PRR16: variants seen among roughly 807,000 people sequenced by gnomAD.
PRR16 encodes the protein proline rich 16.
A neutral mutation model predicts 18.2 loss-of-function variants in PRR16; 6 were observed. The ratio of observed to expected loss-of-function variants is 0.33; its 90% confidence interval spans 0.18 to 0.65. The LOEUF (loss-of-function observed/expected upper bound fraction) is 0.65, where lower values mean the gene tolerates loss of function less well. Ranked by LOEUF, PRR16 falls within the 30% of genes least tolerant of loss-of-function variation. PRR16 has a pLI of 0.74. For missense variants in PRR16, 412 were observed against 376.6 expected (o/e 1.09, Z -0.78); for synonymous variants, 151 against 147.8 (o/e 1.02, Z -0.16).
At chr5:120,620,403 G>C (rs1002492081) in intron 1 of PRR16, among the ~76,000 whole-genome samples, 9 of 152,042 alleles carry the variant, frequency 5.9e-5, no homozygotes, top group African/African-American at 1.9e-4. Flanking sequence ...GTGCTTATGA[G>C]GTGAGGTTGC....
chr5:120,504,570 C>G (rs560324393), intron 1 of PRR16, among the ~76,000 whole-genome samples: 1 of 152,058 alleles, frequency 6.6e-6, no homozygotes, highest in Admixed American at 6.6e-5. Flanking sequence ...AGCAGTGAGT[C>G]GCCCTTCACG....
At chr5:120,466,200 A>G (rs1395161603) in intron 1 of PRR16, among the ~76,000 whole-genome samples, 1 of 152,158 alleles carries the variant, frequency 6.6e-6, no homozygotes, top group Non-Finnish European at 1.5e-5. Flanking sequence ...TGGTGGGGTT[A>G]TGCATTGAAA....
At chr5:120,770,253 A>G in the PRR16 span, among the ~76,000 whole-genome samples, 1 of 151,548 alleles carries the variant, frequency 6.6e-6, no homozygotes, top group African/African-American at 2.4e-5. Context: ...CAAACACATA[A>G]GCCAGTAGAA....
chr5:120,729,115 G>T, the PRR16 span, among the ~76,000 whole-genome samples: 1 of 152,058 alleles, frequency 6.6e-6, no homozygotes, highest in Non-Finnish European at 1.5e-5. Flanking sequence ...GTGTTACATT[G>T]TAAAACTTCC....
At chr5:120,775,373 ACCT>A in the PRR16 span, among the ~76,000 whole-genome samples, 6,178 of 152,070 alleles carry the variant, frequency 0.041, 194 homozygotes, top group African/African-American at 0.078. Flanking sequence ...AATCTTCCTC[ACCT>A]CCTCATTTTC....
the PRR16 span, among the ~76,000 whole-genome samples, chr5:120,700,798 G>A: frequency 2.9e-4 from 44 of 152,172 alleles, no homozygotes; most frequent in Non-Finnish European, 5.3e-4. Context: ...GTTACCCAAA[G>A]CTCGGCGTCG....
chr5:120,605,014 G>A (rs188590991), intron 1 of PRR16, among the ~76,000 whole-genome samples: 2 of 152,096 alleles, frequency 1.3e-5, no homozygotes, highest in African/African-American at 4.8e-5. Context: ...ATGACTATAT[G>A]CATTGGAATG....
At chr5:120,576,120 T>G (rs553614302) in intron 1 of PRR16, among the ~76,000 whole-genome samples, 2 of 152,178 alleles carry the variant, frequency 1.3e-5, no homozygotes, top group Non-Finnish European at 2.9e-5. Flanking sequence ...AGGCAAAGAT[T>G]TTTTTCGATA....
the PRR16 span, among the ~76,000 whole-genome samples, chr5:120,782,478 G>A: frequency 5.9e-5 from 9 of 152,080 alleles, no homozygotes; most frequent in South Asian, 2.1e-4. Context: ...GGATCTCAGC[G>A]CTTCCCCTCG....
chr5:120,599,857 C>T (rs1433442460), intron 1 of PRR16, among the ~76,000 whole-genome samples: 2 of 151,684 alleles, frequency 1.3e-5, no homozygotes, highest in African/African-American at 4.8e-5. Context: ...GGTCAATTTC[C>T]TCTTTCTGGT....
At chr5:120,483,715 T>A (rs1244496968) in intron 1 of PRR16, among the ~76,000 whole-genome samples, 1 of 152,112 alleles carries the variant, frequency 6.6e-6, no homozygotes, top group Non-Finnish European at 1.5e-5. Context: ...TCTTTTATTG[T>A]GCTTGTCAGT....
chr5:120,739,746 C>G, the PRR16 span, among the ~76,000 whole-genome samples: 4 of 152,074 alleles, frequency 2.6e-5, no homozygotes, highest in African/African-American at 4.8e-5. Flanking sequence ...CACAAATTAT[C>G]AATTTAAGAA....
intron 1 of PRR16, among the ~76,000 whole-genome samples, chr5:120,566,081 A>G (rs1246283479): frequency 6.6e-6 from 1 of 152,202 alleles, no homozygotes; most frequent in Admixed American, 6.5e-5. Context: ...CAGGACCTTC[A>G]CAAGGTCATT....
chr5:120,591,027 C>T (rs537451842), intron 1 of PRR16, among the ~76,000 whole-genome samples: 1 of 152,158 alleles, frequency 6.6e-6, no homozygotes, highest in African/African-American at 2.4e-5. Flanking sequence ...CGCCTGTAAT[C>T]CCAGCACTTT....
intron 1 of PRR16, among the ~76,000 whole-genome samples, chr5:120,497,084 A>G (rs1030333933): frequency 7.2e-5 from 11 of 152,122 alleles, no homozygotes; most frequent in African/African-American, 2.2e-4. Flanking sequence ...TATGATTTCA[A>G]TTCTAATAAA....
intron 1 of PRR16, among the ~76,000 whole-genome samples, chr5:120,577,490 G>A (rs1396284855): frequency 2.0e-5 from 3 of 151,708 alleles, no homozygotes; most frequent in African/African-American, 7.3e-5. Context: ...TCATTGGGTG[G>A]ATTTCTTCTT....
chr5:120,746,136 TATTTA>T, the PRR16 span, among the ~76,000 whole-genome samples: 5,439 of 151,750 alleles, frequency 0.036, 112 homozygotes, highest in Middle Eastern at 0.13. Flanking sequence ...TTTTTTTTTC[TATTTA>T]ATTATATTAC....
At chr5:120,622,155 T>C (rs1357601775) in intron 1 of PRR16, among the ~76,000 whole-genome samples, 1 of 152,128 alleles carries the variant, frequency 6.6e-6, no homozygotes, top group African/African-American at 2.4e-5. Flanking sequence ...CTTTTCTTCT[T>C]TGCTGACTGC....
the PRR16 span, among the ~76,000 whole-genome samples, chr5:120,713,213 G>A: frequency 6.6e-6 from 1 of 152,070 alleles, no homozygotes; most frequent in Non-Finnish European, 1.5e-5. Context: ...ATAATTCTAA[G>A]TAAAATAAGC....
Sources: allele counts gnomAD v4.1 joint callset (sites outside exome capture counted in the v4.1 genomes callset), GRCh38; gene constraint gnomAD v4.1.1; transcripts MANE v1.5; gene names NCBI Gene and HGNC (gene_info 2026-07-23, HGNC 2026-07-21).